The following VEPH1 variants were observed in gnomAD, a reference collection of about 807,000 sequenced individuals.
VEPH1 encodes ventricular zone-expressed PH domain-containing protein homolog 1.
Under a neutral mutation model 85.2 loss-of-function variants are expected in VEPH1, and 80 were observed. The ratio of observed to expected loss-of-function variants is 0.94; its 90% confidence interval spans 0.78 to 1.13. VEPH1 has a LOEUF of 1.13. VEPH1 is among the 50% of genes most tolerant of loss of function. The pLI is 0.00. For missense variants in VEPH1, 955 were observed against 980.5 expected (o/e 0.97, Z 0.35); for synonymous variants, 297 against 348.0 (o/e 0.85, Z 1.63).
intron 7 of VEPH1, among the ~76,000 whole-genome samples, chr3:157,366,163 G>A (rs1418901099): frequency 2.0e-5 from 3 of 152,066 alleles, no homozygotes; most frequent in African/African-American, 2.4e-5. Context: ...CCATGAACTC[G>A]GGACAGAGAC....
chr3:157,358,131 G>A (rs1046676720), intron 9 of VEPH1, among the ~76,000 whole-genome samples: 3 of 152,204 alleles, frequency 2.0e-5, no homozygotes, highest in African/African-American at 7.2e-5. Flanking sequence ...TGTTTCACGG[G>A]CTGTTGCAGA....
intron 4 of VEPH1, chr3:157,438,038 C>T: frequency 2.4e-6 from 1 of 416,634 alleles, no homozygotes; most frequent in Non-Finnish European, 4.0e-6. Flanking sequence ...CGCGCGCGCG[C>T]ACACACACAC....
chr3:157,351,686 G>A (rs1724887085), intron 9 of VEPH1, among the ~76,000 whole-genome samples: 1 of 152,202 alleles, frequency 6.6e-6, no homozygotes, highest in South Asian at 2.1e-4. Flanking sequence ...GATTCAATAG[G>A]TCTAGGGTAA....
intron 7 of VEPH1, among the ~76,000 whole-genome samples, chr3:157,375,821 A>C (rs943250922): frequency 6.6e-6 from 1 of 152,192 alleles, no homozygotes; most frequent in African/African-American, 2.4e-5. Context: ...TAAAGTGAAG[A>C]GCAAGCATAA....
chr3:157,339,584 T>C (rs1304922593), intron 9 of VEPH1, among the ~76,000 whole-genome samples: 1 of 152,112 alleles, frequency 6.6e-6, no homozygotes, highest in Non-Finnish European at 1.5e-5. Flanking sequence ...ACCTCACACT[T>C]CCCTTTGTAC....
At chr3:157,444,269 G>A (rs971430853) in intron 4 of VEPH1, among the ~76,000 whole-genome samples, 2 of 152,204 alleles carry the variant, frequency 1.3e-5, no homozygotes. Flanking sequence ...ATGAGGTTTG[G>A]AGAATAGGAC....
intron 4 of VEPH1, among the ~76,000 whole-genome samples, chr3:157,456,385 C>A (rs1735384373): frequency 6.6e-6 from 1 of 151,922 alleles, no homozygotes; most frequent in African/African-American, 2.4e-5. Flanking sequence ...TCAATTTTTG[C>A]TCTTGTTGCA....
Position 157,406,506 on chromosome 3 carries a change from T to A in VEPH1, c.906+7375A>T, listed in dbSNP as rs1577580906. 2.0e-5 allele frequency among the ~76,000 whole-genome samples: 3 copies of A among 152,274 alleles called. No individual in the cohort carries two copies. In the Middle Eastern group the frequency reaches 0.01, roughly 518 times the overall value. On this transcript the variant is annotated intron_variant, in intron 6 of 13. Transcript: ENST00000362010. The stretch of plus-strand genomic sequence containing the variant: ...AGAAATGCAACCTGGGCAAGATGTG[T>A]GTCACTTCTTTACTTGAAAAGTGTC...
At chr3:157,317,595 T>C (rs767790520) in intron 9 of VEPH1, among the ~76,000 whole-genome samples, 3 of 152,192 alleles carry the variant, frequency 2.0e-5, no homozygotes, top group Non-Finnish European at 4.4e-5. Context: ...CCATGAACCA[T>C]GGATGCTGTT....
At chr3:157,415,922 C>A (rs1406604380) in intron 5 of VEPH1, among the ~76,000 whole-genome samples, 1 of 152,084 alleles carries the variant, frequency 6.6e-6, no homozygotes, top group Non-Finnish European at 1.5e-5. Context: ...TCTCCTCTTC[C>A]TTCTCAGTCT....
chr3:157,495,576 G>T, intron 1 of VEPH1, 70 bp from the exon 2 acceptor site: 1 of 984,034 alleles, frequency 1.0e-6, no homozygotes, highest in Non-Finnish European at 1.3e-6. Flanking sequence ...TGAACTCAGT[G>T]TCCAGCGGAG....
chr3:157,318,945 C>G (rs552908868), intron 9 of VEPH1, among the ~76,000 whole-genome samples: 1 of 152,046 alleles, frequency 6.6e-6, no homozygotes, highest in South Asian at 2.1e-4. Flanking sequence ...GAGTCAGTCC[C>G]CACCTAAGAC....
chr3:157,470,550 C>T, intron 2 of VEPH1, 21 bp from the exon 3 acceptor site: 1 of 1,607,026 alleles, frequency 6.2e-7, no homozygotes, highest in Non-Finnish European at 8.5e-7. Flanking sequence ...AGAAAATCTT[C>T]ATGTTAAATA....
chr3:157,440,980 A>G (rs774827285), intron 4 of VEPH1, among the ~76,000 whole-genome samples: 1 of 152,226 alleles, frequency 6.6e-6, no homozygotes, highest in Non-Finnish European at 1.5e-5. Context: ...ATTTTTAAAC[A>G]CATTTTTGGT....
intron 13 of VEPH1, among the ~76,000 whole-genome samples, chr3:157,262,794 C>T (rs1430141820): frequency 6.6e-6 from 1 of 152,050 alleles, no homozygotes. Flanking sequence ...ATAGATTTTT[C>T]AAAATTCTTT....
intron 6 of VEPH1, among the ~76,000 whole-genome samples, chr3:157,384,979 A>C (rs780904093): frequency 5.3e-5 from 8 of 152,174 alleles, no homozygotes; most frequent in Admixed American, 2.0e-4. Flanking sequence ...ATTGTTTATT[A>C]TTAAACAAAA....
intron 7 of VEPH1, among the ~76,000 whole-genome samples, chr3:157,365,998 T>A (rs1231442880): frequency 6.6e-6 from 1 of 152,174 alleles, no homozygotes; most frequent in African/African-American, 2.4e-5. Context: ...AGATAGAGAA[T>A]GGGGCTGAAA....
At chr3:157,285,261 A>T (rs971546218) in intron 12 of VEPH1, 5 of 152,242 alleles carry the variant, frequency 3.3e-5, no homozygotes, top group Admixed American at 6.5e-5. Flanking sequence ...CGTTGGCTCA[A>T]TCCAGACTCT....
intron 1 of VEPH1, among the ~76,000 whole-genome samples, chr3:157,502,301 C>T (rs1037284979): frequency 1.1e-4 from 17 of 152,314 alleles, no homozygotes; most frequent in Admixed American, 9.2e-4. Flanking sequence ...ATTTTGATTA[C>T]CTATTTCAAC....
Sources: gnomAD v4.1 joint callset for allele counts (sites outside exome capture counted in the v4.1 genomes callset) on GRCh38, gnomAD v4.1.1 for gene constraint, MANE v1.5 for transcripts, NCBI Gene and HGNC (gene_info 2026-07-23, HGNC 2026-07-21) for gene names.